Variants in LRP1B observed in about 807,000 individuals in gnomAD.
The protein encoded by LRP1B is low-density lipoprotein receptor-related protein 1B.
Under a neutral mutation model 556.6 loss-of-function variants are expected in LRP1B, and 217 were observed. That is an observed-to-expected ratio of 0.39 (90% CI 0.35 to 0.44). LRP1B has a LOEUF of 0.44. LRP1B is among the 20% of genes least tolerant of loss of function. The pLI, the probability that LRP1B is intolerant of heterozygous loss-of-function variation, is 1.00. For synonymous variants in LRP1B, 2,047 were observed against 1,865.8 expected, an observed-to-expected ratio of 1.10 and a Z score of -2.50; for missense variants, 5,053 against 5,620.8, an observed-to-expected ratio of 0.90 and a Z score of 3.23.
chr2:141,999,704 AAAGC>A (rs768021655), intron 1 of LRP1B, among the ~76,000 whole-genome samples: 1 of 151,968 alleles, frequency 6.6e-6, no homozygotes, highest in South Asian at 2.1e-4. Context: ...TCATTAAATT[AAAGC>A]AAGAAACTCC....
chr2:140,830,951 A>T (rs1691693290), intron 31 of LRP1B, among the ~76,000 whole-genome samples: 1 of 152,094 alleles, frequency 6.6e-6, no homozygotes, highest in Admixed American at 6.5e-5. Context: ...ACAATCCCAT[A>T]TGCAATTGCT....
intron 3 of LRP1B, among the ~76,000 whole-genome samples, chr2:141,369,501 C>G (rs1689152717): frequency 6.6e-6 from 1 of 152,060 alleles, no homozygotes; most frequent in African/African-American, 2.4e-5. Flanking sequence ...TTAATTTTGT[C>G]TCAATTTTTA....
chr2:140,273,589 G>T (rs116503972), intron 85 of LRP1B, among the ~76,000 whole-genome samples: 3,101 of 152,084 alleles, frequency 0.02, 39 homozygotes, highest in African/African-American at 0.028. Context: ...GGCACCCTTG[G>T]TGAGCTCTCA....
intron 20 of LRP1B, among the ~76,000 whole-genome samples, chr2:140,927,263 C>G (rs529853250): frequency 6.6e-6 from 1 of 152,172 alleles, no homozygotes; most frequent in African/African-American, 2.4e-5. Context: ...CAAGATGGTG[C>G]TACTGCACTC....
intron 2 of LRP1B, among the ~76,000 whole-genome samples, chr2:141,685,297 A>G: frequency 6.6e-6 from 1 of 152,054 alleles, no homozygotes. Context: ...GAATTATATG[A>G]TTTAGATGAT....
chr2:142,001,319 T>C (rs987617523), intron 1 of LRP1B, among the ~76,000 whole-genome samples: 3 of 152,194 alleles, frequency 2.0e-5, no homozygotes, highest in Non-Finnish European at 4.4e-5. Context: ...TCATTGTGCA[T>C]TGGGGCTATT....
chr2:141,987,549 G>GTTTTTTTTTTTT (rs5834887), intron 1 of LRP1B, among the ~76,000 whole-genome samples: 5 of 139,952 alleles, frequency 3.6e-5, no homozygotes, highest in African/African-American at 5.3e-5. Flanking sequence ...GATTTAAGCT[G>GTTTTTTTTTTTT]TTTTTTTTTT....
At chr2:142,068,171 G>A (rs1705179308) in intron 1 of LRP1B, among the ~76,000 whole-genome samples, 1 of 151,506 alleles carries the variant, frequency 6.6e-6, no homozygotes, top group South Asian at 2.1e-4. Flanking sequence ...TGGTCCCCAT[G>A]TAAGTGTTAT....
At chr2:140,753,549 G>A (rs561210613) in intron 35 of LRP1B, among the ~76,000 whole-genome samples, 18 of 152,024 alleles carry the variant, frequency 1.2e-4, no homozygotes, top group Admixed American at 3.9e-4. Context: ...CTACATAACT[G>A]GTGAGAATTA....
intron 35 of LRP1B, among the ~76,000 whole-genome samples, chr2:140,732,423 T>G (rs1250153676): frequency 6.6e-6 from 1 of 152,110 alleles, no homozygotes; most frequent in Non-Finnish European, 1.5e-5. Flanking sequence ...CTGAACTGCA[T>G]GATGTTTCAC....
intron 43 of LRP1B, among the ~76,000 whole-genome samples, chr2:140,582,198 C>A (rs1411170310): frequency 6.6e-6 from 1 of 152,096 alleles, no homozygotes; most frequent in Non-Finnish European, 1.5e-5. Context: ...TAGTAGACTA[C>A]AATAATTATT....
At chr2:140,587,352 G>A (rs1394239340) in intron 43 of LRP1B, among the ~76,000 whole-genome samples, 1 of 152,158 alleles carries the variant, frequency 6.6e-6, no homozygotes, top group Non-Finnish European at 1.5e-5. Flanking sequence ...CTACAGATTC[G>A]AGAAGCAGAC....
At chr2:141,310,523 A>G (rs2105447948) in intron 3 of LRP1B, among the ~76,000 whole-genome samples, 1 of 152,292 alleles carries the variant, frequency 6.6e-6, no homozygotes, top group Middle Eastern at 3.4e-3. Context: ...TCAAGTTCTA[A>G]CAAGTGACAC....
intron 25 of LRP1B, among the ~76,000 whole-genome samples, chr2:140,871,783 T>C (rs966986754): frequency 1.3e-5 from 2 of 152,164 alleles, no homozygotes; most frequent in African/African-American, 4.8e-5. Flanking sequence ...GCTAAGGGTC[T>C]GCCTTCTTTT....
intron 2 of LRP1B, among the ~76,000 whole-genome samples, chr2:141,780,771 C>T (rs1290754949): frequency 6.6e-6 from 1 of 152,132 alleles, no homozygotes; most frequent in East Asian, 1.9e-4. Flanking sequence ...TAGCAAAGAA[C>T]AATAGCACTG....
chr2:141,328,769 T>C (rs1408729534), intron 3 of LRP1B, among the ~76,000 whole-genome samples: 2 of 152,294 alleles, frequency 1.3e-5, no homozygotes, highest in South Asian at 4.1e-4. Context: ...TACTACATCA[T>C]GAATGCTGGG....
chr2:141,257,473 G>T (rs1684517238), intron 3 of LRP1B, among the ~76,000 whole-genome samples: 1 of 152,096 alleles, frequency 6.6e-6, no homozygotes, highest in South Asian at 2.1e-4. Context: ...CTCTCTACTT[G>T]ACGTTTCTGG....
rs367949171 is a variant in LRP1B, at chr2:141,536,202, T to C, written c.206-55669A>G. 2.0e-5 allele frequency among the ~76,000 whole-genome samples: 3 copies of C among 152,150 alleles called. No homozygotes were observed. In the East Asian group the frequency reaches 5.8e-4, roughly 29 times the overall value. The stretch of plus-strand genomic sequence containing the variant: ...AAGACTATTTCATAAACAACTAGTT[T>C]AATTAATTTTAGCATTTCATCATTC... On this transcript the variant is annotated intron_variant, in intron 2 of 90. Transcript: ENST00000389484.
At chr2:141,510,195 G>GACACACACACAC (rs59647485) in intron 2 of LRP1B, among the ~76,000 whole-genome samples, 27 of 95,100 alleles carry the variant, frequency 2.8e-4, no homozygotes, top group East Asian at 1.5e-3. Flanking sequence ...CGGCAATACA[G>GACACACACACAC]ACACACACAC....
Sources: allele counts gnomAD v4.1 joint callset (sites outside exome capture counted in the v4.1 genomes callset), GRCh38; gene constraint gnomAD v4.1.1; transcripts MANE v1.5; gene names NCBI Gene and HGNC (gene_info 2026-07-23, HGNC 2026-07-21).